CAMK4: variants seen among roughly 807,000 people sequenced by gnomAD.
The protein encoded by CAMK4 is calcium/calmodulin-dependent protein kinase type IV.
A neutral mutation model predicts 44.9 loss-of-function variants in CAMK4; 22 were observed. That is an observed-to-expected ratio of 0.49 (90% CI 0.35 to 0.70). The LOEUF (loss-of-function observed/expected upper bound fraction) is 0.70. Among genes scored for constraint, CAMK4 ranks in the 30% least tolerant of loss-of-function variants. The pLI, the probability that CAMK4 is intolerant of heterozygous loss-of-function variation, is 0.01. For missense variants in CAMK4, 498 were observed against 586.8 expected (o/e 0.85, Z 1.56); for synonymous variants, 218 against 215.4 (o/e 1.01, Z -0.11).
chr5:111,388,274 C>G (rs1257014802), intron 4 of CAMK4, among the ~76,000 whole-genome samples: 1 of 152,178 alleles, frequency 6.6e-6, no homozygotes, highest in African/African-American at 2.4e-5. Flanking sequence ...TAATAAATCC[C>G]TTGGTTGTAC....
intron 1 of CAMK4, among the ~76,000 whole-genome samples, chr5:111,301,761 T>C (rs1747727677): frequency 6.6e-6 from 1 of 152,244 alleles, no homozygotes; most frequent in South Asian, 2.1e-4. Flanking sequence ...TCCACAACTT[T>C]CCTATACATA....
chr5:111,457,863 A>G (rs1232743650), intron 7 of CAMK4, among the ~76,000 whole-genome samples: 1 of 152,252 alleles, frequency 6.6e-6, no homozygotes, highest in Admixed American at 6.5e-5. Context: ...GATCTCACCC[A>G]AGAATGAATT....
chr5:111,409,812 C>G (rs1752567974), intron 5 of CAMK4, among the ~76,000 whole-genome samples: 1 of 152,196 alleles, frequency 6.6e-6, no homozygotes, highest in African/African-American at 2.4e-5. Flanking sequence ...CTTTGCATAA[C>G]AAGAGTGACC....
chr5:111,419,634 A>G (rs1752948155), intron 5 of CAMK4, among the ~76,000 whole-genome samples: 1 of 152,148 alleles, frequency 6.6e-6, no homozygotes, highest in African/African-American at 2.4e-5. Flanking sequence ...GGTGTAAGGA[A>G]GGGATCCAGT....
At position 111,413,099 on chromosome 5, in the gene CAMK4, C is replaced by A. The variant is rs115542939; in HGVS notation, c.459+18317C>A. 5.9e-3 allele frequency among the ~76,000 whole-genome samples: 894 copies of A among 152,216 alleles called. 8 individuals are homozygous for A. The highest frequency in any genetic ancestry group is 0.02 in the African/African-American group (849 of 41,526). On this transcript the variant is annotated intron_variant, in intron 5 of 10. Coordinates refer to ENST00000282356, the MANE Select transcript of CAMK4 (RefSeq NM_001744.6). ...TTCCTCGGTAAAGCCAAGAACCCTC[C>A]CAAGCTAAGCCTCAGTTTGGGGGCT... is the stretch of plus-strand genomic sequence containing the variant.
At chr5:111,308,367 A>G (rs1748030140) in intron 1 of CAMK4, among the ~76,000 whole-genome samples, 2 of 152,216 alleles carry the variant, frequency 1.3e-5, no homozygotes, top group African/African-American at 2.4e-5. Context: ...CAGAAATCCA[A>G]ATATATAAAA....
intron 1 of CAMK4, among the ~76,000 whole-genome samples, chr5:111,264,159 G>T (rs1168603909): frequency 6.6e-6 from 1 of 152,188 alleles, no homozygotes; most frequent in Non-Finnish European, 1.5e-5. Flanking sequence ...GGAGTTGTGG[G>T]TGGAGTTGTG....
chr5:111,393,975 T>A, intron 4 of CAMK4, among the ~76,000 whole-genome samples: 1 of 144,476 alleles, frequency 6.9e-6, no homozygotes. Flanking sequence ...GAAACAGAGA[T>A]GGAGAAGGGA....
At chr5:111,241,240 A>C (rs1476972189) in intron 1 of CAMK4, among the ~76,000 whole-genome samples, 1 of 152,032 alleles carries the variant, frequency 6.6e-6, no homozygotes, top group African/African-American at 2.4e-5. Context: ...TATTGCATTT[A>C]ATTACCATGT....
chr5:111,249,119 G>C (rs1218934273), intron 1 of CAMK4, among the ~76,000 whole-genome samples: 2 of 152,174 alleles, frequency 1.3e-5, no homozygotes, highest in Admixed American at 1.3e-4. Flanking sequence ...AATTCAACCA[G>C]ATTATTTAAA....
chr5:111,382,583 G>T (rs1751457057), intron 4 of CAMK4, among the ~76,000 whole-genome samples: 1 of 152,132 alleles, frequency 6.6e-6, no homozygotes, highest in African/African-American at 2.4e-5. Flanking sequence ...GGCAGAGTAT[G>T]CAGGGCAATT....
intron 1 of CAMK4, among the ~76,000 whole-genome samples, chr5:111,232,560 C>T (rs1028834693): frequency 2.0e-5 from 3 of 151,906 alleles, no homozygotes; most frequent in Non-Finnish European, 4.4e-5. Context: ...TGATGTCAGA[C>T]CAAAGACAAC....
chr5:111,365,746 A>C (rs1750769929), intron 2 of CAMK4, among the ~76,000 whole-genome samples: 1 of 152,092 alleles, frequency 6.6e-6, no homozygotes, highest in Non-Finnish European at 1.5e-5. Flanking sequence ...ACGCTGAAAA[A>C]TGTGAGACAG....
chr5:111,394,418 A>G (rs998966285), intron 4 of CAMK4, among the ~76,000 whole-genome samples: 1 of 152,204 alleles, frequency 6.6e-6, no homozygotes, highest in African/African-American at 2.4e-5. Flanking sequence ...TATAATATCT[A>G]CTGGCATATG....
intron 2 of CAMK4, among the ~76,000 whole-genome samples, chr5:111,373,375 AG>A (rs1333000894): frequency 1.3e-5 from 2 of 152,054 alleles, no homozygotes; most frequent in Non-Finnish European, 2.9e-5. Flanking sequence ...TCTTTAAATG[AG>A]GTACTCTAGG....
intron 1 of CAMK4, among the ~76,000 whole-genome samples, chr5:111,260,981 C>T (rs1237548593): frequency 6.6e-6 from 1 of 152,180 alleles, no homozygotes; most frequent in Non-Finnish European, 1.5e-5. Context: ...ACAATCTGCT[C>T]TCACCCTACC....
At chr5:111,397,693 T>TG (rs1580699606) in intron 5 of CAMK4, among the ~76,000 whole-genome samples, 12,253 of 109,122 alleles carry the variant, frequency 0.11, 678 homozygotes, top group Admixed American at 0.15. Flanking sequence ...GTGTGTGTGT[T>TG]TGCAGTTTAC....
At chr5:111,320,687 G>T (rs1748626120) in intron 1 of CAMK4, among the ~76,000 whole-genome samples, 1 of 152,078 alleles carries the variant, frequency 6.6e-6, no homozygotes, top group Non-Finnish European at 1.5e-5. Context: ...TGTATTTTTA[G>T]TAGAGGCGGG....
In CAMK4 at chr5:111,486,228, C is replaced by G. The variant is rs548911985; in HGVS notation, c.*1762C>G. On this transcript the variant is annotated 3_prime_UTR_variant, in exon 11 of 11. Transcript: ENST00000282356. ...TATCTTTCATAGTTTAAGAATCTGA[C>G]AGGTCACTGATATGGAGCCCCTGAA... 1 of 152,036 alleles carries G rather than the reference C, an allele frequency of 6.6e-6. No homozygotes were observed. Among genetic ancestry groups the G allele is most frequent in the Non-Finnish European group, 1.5e-5 (1 of 68,018 alleles). 9.4% of individuals were successfully genotyped at this position (152,036 alleles called of 1,614,324 possible). A position where few individuals can be genotyped will look rare whatever the true frequency, so the allele number is the denominator to read the frequency against.
Sources: gnomAD v4.1 joint callset for allele counts (sites outside exome capture counted in the v4.1 genomes callset) on GRCh38, gnomAD v4.1.1 for gene constraint, MANE v1.5 for transcripts, NCBI Gene and HGNC (gene_info 2026-07-23, HGNC 2026-07-21) for gene names.